RAB38: variants seen among roughly 807,000 people sequenced by gnomAD.
RAB38 encodes the protein RAB38, member RAS oncogene family.
Under a neutral mutation model 18.4 loss-of-function variants are expected in RAB38, and 15 were observed. The observed-to-expected ratio is 0.82, with a 90% confidence interval of 0.55 to 1.26. The LOEUF (loss-of-function observed/expected upper bound fraction) is 1.26, where lower values mean the gene tolerates loss of function less well. Among genes scored for constraint, RAB38 ranks in the 50% most tolerant of loss-of-function variants. The pLI, the probability that RAB38 is intolerant of heterozygous loss-of-function variation, is 0.00. For missense variants in RAB38, 294 were observed against 267.4 expected, an observed-to-expected ratio of 1.10 and a Z score of -0.69; for synonymous variants, 101 against 104.4, an observed-to-expected ratio of 0.97 and a Z score of 0.20.
the RAB38 span, among the ~76,000 whole-genome samples, chr11:88,072,365 G>T: frequency 6.6e-6 from 1 of 151,914 alleles, no homozygotes; most frequent in Non-Finnish European, 1.5e-5. Context: ...ACAACAAAGA[G>T]AAAAATGATC....
the RAB38 span, among the ~76,000 whole-genome samples, chr11:87,892,751 G>C: frequency 4.0e-5 from 6 of 151,800 alleles, no homozygotes; most frequent in Admixed American, 2.6e-4. Context: ...TTAAGATTCC[G>C]CTCAGGTACT....
chr11:87,880,745 T>G, the RAB38 span, among the ~76,000 whole-genome samples: 1 of 151,846 alleles, frequency 6.6e-6, no homozygotes, highest in Non-Finnish European at 1.5e-5. Context: ...TTCTGTTTAA[T>G]CATTTAATGG....
chr11:87,971,120 T>C, the RAB38 span, among the ~76,000 whole-genome samples: 1 of 152,102 alleles, frequency 6.6e-6, no homozygotes, highest in Non-Finnish European at 1.5e-5. Flanking sequence ...ACTCCAGTGA[T>C]GATTCCTGCC....
intron 2 of RAB38, among the ~76,000 whole-genome samples, chr11:88,140,052 A>G (rs1461337969): frequency 6.6e-6 from 1 of 152,250 alleles, no homozygotes; most frequent in Admixed American, 6.5e-5. Flanking sequence ...AGGAGGAATG[A>G]CTTGCATAAT....
chr11:87,975,642 A>C, the RAB38 span, among the ~76,000 whole-genome samples: 1 of 151,888 alleles, frequency 6.6e-6, no homozygotes, highest in Admixed American at 6.6e-5. Context: ...AGTAAAATAC[A>C]TGACAAAAAC....
the RAB38 span, among the ~76,000 whole-genome samples, chr11:88,056,296 G>C: frequency 7.9e-5 from 12 of 152,174 alleles, no homozygotes; most frequent in Admixed American, 6.5e-4. Flanking sequence ...TATGGGAATG[G>C]AAGAAGATGT....
chr11:88,077,756 A>G, the RAB38 span, among the ~76,000 whole-genome samples: 1 of 152,170 alleles, frequency 6.6e-6, no homozygotes, highest in Non-Finnish European at 1.5e-5. Flanking sequence ...TCAAAAGCAT[A>G]GGCAACCAAG....
At chr11:88,023,402 A>C in the RAB38 span, among the ~76,000 whole-genome samples, 1 of 151,902 alleles carries the variant, frequency 6.6e-6, no homozygotes, top group African/African-American at 2.4e-5. Flanking sequence ...ATCTAAAAGA[A>C]TACTAAAAAA....
chr11:87,957,344 C>T, the RAB38 span, among the ~76,000 whole-genome samples: 1 of 151,952 alleles, frequency 6.6e-6, no homozygotes, highest in East Asian at 1.9e-4. Context: ...AACTTTTTCT[C>T]ATCCGTCATA....
chr11:88,055,810 C>G, the RAB38 span, among the ~76,000 whole-genome samples: 1 of 152,180 alleles, frequency 6.6e-6, no homozygotes. Flanking sequence ...AAATTTAACA[C>G]TTAAACTGCA....
At chr11:87,976,231 A>T in the RAB38 span, among the ~76,000 whole-genome samples, 1 of 146,468 alleles carries the variant, frequency 6.8e-6, no homozygotes, top group Non-Finnish European at 1.5e-5. Flanking sequence ...ATACCTATAT[A>T]TATATACACC....
At chr11:88,065,524 C>A in the RAB38 span, among the ~76,000 whole-genome samples, 1 of 152,148 alleles carries the variant, frequency 6.6e-6, no homozygotes, top group South Asian at 2.1e-4. Flanking sequence ...AGCAGATCAA[C>A]ATGTTTTAAT....
At chr11:87,935,276 T>TA in the RAB38 span, among the ~76,000 whole-genome samples, 1 of 152,146 alleles carries the variant, frequency 6.6e-6, no homozygotes, top group African/African-American at 2.4e-5. Context: ...CCTGATCCTT[T>TA]GATTTTGAAC....
the RAB38 span, among the ~76,000 whole-genome samples, chr11:88,021,127 GAAGA>G: frequency 6.6e-6 from 1 of 151,988 alleles, no homozygotes; most frequent in Non-Finnish European, 1.5e-5. Context: ...AATTTGAAAA[GAAGA>G]AAGTAATACA....
chr11:87,807,072 A>G, the RAB38 span, among the ~76,000 whole-genome samples: 4 of 152,156 alleles, frequency 2.6e-5, no homozygotes, highest in Non-Finnish European at 5.9e-5. Context: ...CGCGAACTCT[A>G]TTGTGAGCTG....
the RAB38 span, among the ~76,000 whole-genome samples, chr11:87,947,830 C>T: frequency 6.6e-6 from 1 of 152,130 alleles, no homozygotes; most frequent in African/African-American, 2.4e-5. Flanking sequence ...TAGCGTGATG[C>T]CTCCCAGCTT....
chr11:87,850,714 CCACACA>C, the RAB38 span, among the ~76,000 whole-genome samples: 5,765 of 146,482 alleles, frequency 0.039, 233 homozygotes, highest in East Asian at 0.11. Context: ...CACAACACTG[CCACACA>C]CACACACACA....
the RAB38 span, among the ~76,000 whole-genome samples, chr11:88,092,925 G>C: frequency 6.6e-6 from 1 of 151,688 alleles, no homozygotes; most frequent in Non-Finnish European, 1.5e-5. Context: ...AGAAGGCAAG[G>C]CTTTCTTTCC....
At chr11:88,137,301 G>T (rs1942848213) in intron 2 of RAB38, among the ~76,000 whole-genome samples, 1 of 152,022 alleles carries the variant, frequency 6.6e-6, no homozygotes, top group Non-Finnish European at 1.5e-5. Context: ...AACAAAAGTA[G>T]ACTGAAAAAA....
Sources: allele counts gnomAD v4.1 joint callset (sites outside exome capture counted in the v4.1 genomes callset), GRCh38; gene constraint gnomAD v4.1.1; transcripts MANE v1.5; gene names NCBI Gene and HGNC (gene_info 2026-07-23, HGNC 2026-07-21).